PLD1: variants seen among roughly 807,000 people sequenced by gnomAD.
PLD1 encodes the protein phospholipase D1, also known as choline phosphatase 1.
A neutral mutation model predicts 137.1 loss-of-function variants in PLD1; 112 were observed. The ratio of observed to expected loss-of-function variants is 0.82; its 90% CI spans 0.70 to 0.96. The LOEUF is 0.96. PLD1 is among the 40% of genes least tolerant of loss of function. The probability of loss-of-function intolerance (pLI) is 0.00; values close to 1 mark genes in which losing one functional copy is unlikely to be tolerated. For missense variants in PLD1, 1,321 were observed against 1,342.0 expected, an observed-to-expected ratio of 0.98 and a Z score of 0.24; for synonymous variants, 431 against 454.7, an observed-to-expected ratio of 0.95 and a Z score of 0.66.
intron 6 of PLD1, among the ~76,000 whole-genome samples, chr3:171,729,194 G>A (rs1258469927): frequency 6.6e-6 from 1 of 152,132 alleles, no homozygotes; most frequent in Admixed American, 6.6e-5. Context: ...TTTGAGTAAT[G>A]TATAATCAAT....
At chr3:171,710,477 C>A (rs1717100215) in intron 9 of PLD1, among the ~76,000 whole-genome samples, 1 of 152,206 alleles carries the variant, frequency 6.6e-6, no homozygotes, top group African/African-American at 2.4e-5. Context: ...GAGGAGCGCG[C>A]AGCCGAGATC....
chr3:171,609,504 G>GAA, intron 25 of PLD1, among the ~76,000 whole-genome samples: 1 of 104,510 alleles, frequency 9.6e-6, no homozygotes, highest in African/African-American at 3.7e-5. Flanking sequence ...ATTACATAAA[G>GAA]AAAACACACA....
intron 8 of PLD1, among the ~76,000 whole-genome samples, chr3:171,717,134 G>A (rs1578344942): frequency 6.6e-6 from 1 of 152,160 alleles, no homozygotes; most frequent in African/African-American, 2.4e-5. Flanking sequence ...TTGGAGTCAC[G>A]TAACATGATG....
chr3:171,688,782 C>T lies in PLD1; in HGVS notation c.1433G>A (p.Gly478Glu). The change falls in exon 14 of 27, where the codon GGA becomes GAA. Residue 478 changes from glycine to glutamate, a missense_variant. By Grantham distance (98) the Gly-to-Glu change is moderately conservative (BLOSUM62 -2). Coordinates refer to ENST00000351298, the MANE Select transcript of PLD1 (RefSeq NM_002662.5). ...VIIDQSVAFV[G>E]GIDLAYGRWD... ...CCTTCCATAGGCCAGGTCAATCCCT[C>T]CCACAAAGGCCACCGATTGGTCAAT... 3 of 1,614,066 alleles carry T rather than the reference C, an allele frequency of 1.9e-6. No individual in the cohort carries two copies. The highest frequency in any genetic ancestry group is 2.5e-6 in the Non-Finnish European group (3 of 1,179,954).
chr3:171,694,796 A>G (rs1489472787), intron 12 of PLD1, among the ~76,000 whole-genome samples: 2 of 152,154 alleles, frequency 1.3e-5, no homozygotes, highest in Non-Finnish European at 2.9e-5. Flanking sequence ...TGGATTTTTG[A>G]AATAATAGAG....
intron 1 of PLD1, among the ~76,000 whole-genome samples, chr3:171,744,327 A>G (rs1719983439): frequency 6.6e-6 from 1 of 152,150 alleles, no homozygotes; most frequent in Admixed American, 6.5e-5. Context: ...TGCCCGTGCC[A>G]AGAAAAGGAG....
rs188631487 is a variant in PLD1 at position 171,637,259 on chromosome 3, C to T, written c.2593+5581G>A. Among the ~76,000 whole-genome samples the T allele has an allele frequency of 3.7e-4, 56 of 152,238 alleles. 1 individual carries two copies. In the East Asian group the frequency reaches 5.0e-3, roughly 14 times the overall value. On this transcript the variant is annotated intron_variant, in intron 23 of 26. Transcript: ENST00000351298. The stretch of plus-strand genomic sequence containing the variant: ...GGCTTTCTTTTCTTTTCTTTTGAGA[C>T]GGAGTCTCACTCTGTCACCAGGCTG...
chr3:171,621,035 G>A (rs990260663), intron 23 of PLD1, among the ~76,000 whole-genome samples: 8 of 151,842 alleles, frequency 5.3e-5, no homozygotes, highest in African/African-American at 1.5e-4. Context: ...CATATTCAGC[G>A]TGAAGCATCA....
chr3:171,622,347 G>A (rs1057027042), intron 23 of PLD1, among the ~76,000 whole-genome samples: 2 of 152,062 alleles, frequency 1.3e-5, no homozygotes, highest in Non-Finnish European at 2.9e-5. Flanking sequence ...AGTCCCCGAG[G>A]GGATATTGTT....
rs1168854892 is a variant in PLD1 at position 171,645,281 on chromosome 3, G to A, written c.2430-258C>T. Among the ~76,000 whole-genome samples, 3 of 152,312 alleles carry A rather than the reference G, an allele frequency of 2.0e-5. No individual in the cohort carries two copies. The East Asian group carries it at 5.8e-4, about 29-fold the overall frequency. ...AAATTGTACCCATTGTCTCTCTACA[G>A]CATAATCGCTTGTAGGACAAAATGC... On this transcript the variant is annotated intron_variant, in intron 21 of 26. Transcript: ENST00000351298.
chr3:171,637,091 T>A (rs1735191509), intron 23 of PLD1, among the ~76,000 whole-genome samples: 1 of 152,246 alleles, frequency 6.6e-6, no homozygotes, highest in Non-Finnish European at 1.5e-5. Flanking sequence ...TTTTCAGATG[T>A]TAAAACCAAC....
intron 12 of PLD1, among the ~76,000 whole-genome samples, chr3:171,694,168 C>G (rs917308318): frequency 1.3e-5 from 2 of 152,000 alleles, no homozygotes; most frequent in Admixed American, 6.6e-5. Flanking sequence ...GAGGTGCACA[C>G]TAGATTTACA....
chr3:171,697,252 T>TA (rs1262139539), intron 12 of PLD1, among the ~76,000 whole-genome samples: 2 of 147,192 alleles, frequency 1.4e-5, no homozygotes, highest in African/African-American at 5.1e-5. Context: ...TTTTTTTTTT[T>TA]TTTTTTTTTT....
At chr3:171,783,107 G>A (rs542026320) in intron 1 of PLD1, among the ~76,000 whole-genome samples, 1 of 152,266 alleles carries the variant, frequency 6.6e-6, no homozygotes, top group Admixed American at 6.5e-5. Context: ...AGAGAGTCTG[G>A]GAAGGGATGT....
At chr3:171,799,156 C>T (rs9838826) in intron 1 of PLD1, among the ~76,000 whole-genome samples, 123,973 of 151,902 alleles carry the variant, frequency 0.82, 50,851 homozygotes, top group Middle Eastern at 0.94. Flanking sequence ...CTGACCAACA[C>T]GGTGAAACCC....
intron 14 of PLD1, 75 bp from the exon 15 acceptor site, chr3:171,687,659 C>G (rs991235627): frequency 1.1e-6 from 1 of 920,114 alleles, no homozygotes; most frequent in Non-Finnish European, 1.7e-6. Context: ...TCAAGTAGAG[C>G]TGAAGTATAA....
rs1466242179 is a variant in PLD1 at position 171,737,568 on chromosome 3, T to C, written c.252A>G (p.Gln84=). The change falls in exon 3 of 27, where the codon CAA becomes CAG. Residue 84 remains glutamine, a synonymous_variant. Coordinates refer to ENST00000351298, the MANE Select transcript of PLD1 (RefSeq NM_002662.5). ...ATGTGAAGCGTTCCACTTCCAGAAC[T>C]TGTGCTTTTATTGGACAGCCGGAGA... The part of the protein sequence containing the change: ...TYLSGCPIKA[Q]VLEVERFTST... 1 of 1,612,930 alleles carries C rather than the reference T, an allele frequency of 6.2e-7. No homozygotes were observed. The highest frequency in any genetic ancestry group is 1.3e-5 in the African/African-American group (1 of 74,820).
At chr3:171,792,677 C>A (rs1316337305) in intron 1 of PLD1, 5 of 456,604 alleles carry the variant, frequency 1.1e-5, no homozygotes, top group African/African-American at 1.0e-4. Flanking sequence ...CAGAGAAACA[C>A]AGTAAATTTA....
At chr3:171,791,243 A>G (rs1319139799) in intron 1 of PLD1, among the ~76,000 whole-genome samples, 1 of 152,202 alleles carries the variant, frequency 6.6e-6, no homozygotes, top group African/African-American at 2.4e-5. Context: ...AAAACCTCAC[A>G]CTAGCCTATC....
Sources: gnomAD v4.1 joint callset for allele counts (sites outside exome capture counted in the v4.1 genomes callset) on GRCh38, gnomAD v4.1.1 for gene constraint, MANE v1.5 for transcripts, NCBI Gene and HGNC (gene_info 2026-07-23, HGNC 2026-07-21) for gene names.